MAP3K7CL: variants seen among roughly 807,000 people sequenced by gnomAD.
The protein encoded by MAP3K7CL is MAP3K7 C-terminal-like protein.
Under a neutral mutation model 18.6 loss-of-function variants are expected in MAP3K7CL, and 16 were observed. The observed-to-expected ratio is 0.86, with a 90% confidence interval of 0.58 to 1.31. MAP3K7CL has a LOEUF of 1.31. Among genes scored for constraint, MAP3K7CL ranks in the 50% most tolerant of loss-of-function variants. The pLI is 0.00. For synonymous variants in MAP3K7CL, 65 were observed against 66.8 expected, an observed-to-expected ratio of 0.97 and a Z score of 0.13; for missense variants, 163 against 174.4, an observed-to-expected ratio of 0.93 and a Z score of 0.37.
chr21:29,160,767 GATCTCCTTTTGATTAC>G (rs1179959256), intron 4 of MAP3K7CL, among the ~76,000 whole-genome samples: 1 of 152,162 alleles, frequency 6.6e-6, no homozygotes, highest in African/African-American at 2.4e-5. Flanking sequence ...CTTTTGATTA[GATCTCCTTTTGATTAC>G]ATCTCCTACT....
chr21:29,124,799 T>C (rs1487279880), intron 4 of MAP3K7CL, among the ~76,000 whole-genome samples: 1 of 152,254 alleles, frequency 6.6e-6, no homozygotes, highest in African/African-American at 2.4e-5. Flanking sequence ...GCTATACACA[T>C]TTACTTACTG....
At chr21:29,155,227 T>A (rs2087372161) in intron 3 of MAP3K7CL, among the ~76,000 whole-genome samples, 1 of 152,134 alleles carries the variant, frequency 6.6e-6, no homozygotes, top group South Asian at 2.1e-4. Flanking sequence ...TAATGTAAAT[T>A]TAAATCAGAC....
chr21:29,130,819 G>A lies in MAP3K7CL; in HGVS notation c.-144G>A. ...GATTGTCAGTGGCTGCTATGCAGCAGGTGCAGCCTGGTCTCTCACTGAGTC... is the reference window on the plus strand; with the variant it reads ...GATTGTCAGTGGCTGCTATGCAGCAAGTGCAGCCTGGTCTCTCACTGAGTC... On this transcript the variant is annotated 5_prime_UTR_variant, in exon 1 of 5. Coordinates refer to ENST00000399928, the MANE Select transcript of MAP3K7CL (RefSeq NM_001286620.2). 1.0e-6 allele frequency: 1 copy of A among 985,560 alleles called. No individual in the cohort carries two copies. The highest frequency in any genetic ancestry group is 1.2e-6 in the Non-Finnish European group (1 of 830,034). 61.1% of individuals were successfully genotyped at this position (985,560 alleles called of 1,614,324 possible).
At chr21:29,124,374 AAAAG>A (rs1464412209) in intron 4 of MAP3K7CL, among the ~76,000 whole-genome samples, 2 of 151,908 alleles carry the variant, frequency 1.3e-5, no homozygotes, top group East Asian at 1.9e-4. Context: ...AAAAAAAAAA[AAAAG>A]AACACATGTG....
rs951017306 is a variant in MAP3K7CL at position 29,143,190 on chromosome 21, C to T, written c.71-5999C>T. ...AAAAATTTTTAAGAAATTCAAGACA[C>T]TATAGCATTAAATTAAGCGTGGGGC... On this transcript the variant is annotated intron_variant, in intron 2 of 4. Transcript: ENST00000399928. Among the ~76,000 whole-genome samples, 5 of 125,618 alleles carry T rather than the reference C, an allele frequency of 4.0e-5. No homozygotes were observed. In the East Asian group the frequency reaches 8.7e-4, roughly 22 times the overall value. 82.4% of individuals were successfully genotyped at this position (125,618 alleles called of 152,430 possible).
chr21:29,087,758 T>C (rs1188534523), intron 1 of MAP3K7CL, among the ~76,000 whole-genome samples: 1 of 151,904 alleles, frequency 6.6e-6, no homozygotes, highest in African/African-American at 2.4e-5. Context: ...CACGACCGGC[T>C]AATTTTTTGT....
chr21:29,131,450 G>A (rs1459941062), intron 1 of MAP3K7CL: 1 of 152,188 alleles, frequency 6.6e-6, no homozygotes, highest in Admixed American at 6.5e-5. Context: ...GACAATCCAT[G>A]CCATTCCCTA....
chr21:29,120,529 A>G (rs535616709), intron 4 of MAP3K7CL, among the ~76,000 whole-genome samples: 1 of 152,314 alleles, frequency 6.6e-6, no homozygotes, highest in African/African-American at 2.4e-5. Context: ...AAAAGGGCCT[A>G]GCTGAGTGTC....
intron 2 of MAP3K7CL, among the ~76,000 whole-genome samples, chr21:29,136,649 T>C (rs1052001929): frequency 6.6e-6 from 1 of 152,012 alleles, no homozygotes; most frequent in African/African-American, 2.4e-5. Flanking sequence ...GCCTCCTGAG[T>C]AGCTGGGACT....
exon 3 of MAP3K7CL, chr21:29,091,696 T>C (rs770976426): frequency 1.4e-6 from 1 of 702,456 alleles, no homozygotes; most frequent in South Asian, 1.5e-5. Context: ...TTGCCCAGGT[T>C]GGTCTTGAAC....
chr21:29,139,065 C>T (rs940373456), intron 2 of MAP3K7CL, among the ~76,000 whole-genome samples: 1 of 152,204 alleles, frequency 6.6e-6, no homozygotes, highest in Non-Finnish European at 1.5e-5. Context: ...CTCCGGAACC[C>T]ATACCATTGG....
chr21:29,109,450 C>T, intron 4 of MAP3K7CL: 1 of 1,195,088 alleles, frequency 8.4e-7, no homozygotes, highest in South Asian at 3.1e-5. Flanking sequence ...AGACTTCTGG[C>T]AAAACCCCCA....
At chr21:29,157,249 A>G (rs181864908) in intron 3 of MAP3K7CL, among the ~76,000 whole-genome samples, 23 of 152,302 alleles carry the variant, frequency 1.5e-4, no homozygotes, top group Admixed American at 1.4e-3. Context: ...TGCAAAATAG[A>G]AAGTCTGTAC....
chr21:29,079,199 T>G (rs936733103), intron 1 of MAP3K7CL, among the ~76,000 whole-genome samples: 2 of 151,976 alleles, frequency 1.3e-5, no homozygotes, highest in Admixed American at 1.3e-4. Context: ...GATCAGGAGG[T>G]GAAAGGAAGA....
intron 4 of MAP3K7CL, among the ~76,000 whole-genome samples, chr21:29,166,925 A>T (rs2087703239): frequency 6.6e-6 from 1 of 152,234 alleles, no homozygotes; most frequent in Non-Finnish European, 1.5e-5. Flanking sequence ...GGTTCCTAGC[A>T]GTAGAATTGT....
At chr21:29,155,646 G>C (rs914045192) in intron 3 of MAP3K7CL, among the ~76,000 whole-genome samples, 1 of 152,162 alleles carries the variant, frequency 6.6e-6, no homozygotes, top group Non-Finnish European at 1.5e-5. Flanking sequence ...TGTTAAATCG[G>C]TCCTGATAAT....
At chr21:29,096,076 T>C (rs1284285628) in intron 4 of MAP3K7CL, among the ~76,000 whole-genome samples, 1 of 152,172 alleles carries the variant, frequency 6.6e-6, no homozygotes, top group Non-Finnish European at 1.5e-5. Context: ...GGATTAGGAG[T>C]TGAAAGTCAC....
chr21:29,159,825 T>TA (rs60797531), intron 3 of MAP3K7CL, 116 bp from the exon 4 acceptor site: 6,191 of 607,702 alleles, frequency 0.01, no homozygotes, highest in Non-Finnish European at 0.012. Flanking sequence ...GTTCTCACGT[T>TA]AAAAAAAAAA....
At chr21:29,087,265 A>G (rs1003384334) in intron 1 of MAP3K7CL, among the ~76,000 whole-genome samples, 2 of 152,214 alleles carry the variant, frequency 1.3e-5, no homozygotes, top group African/African-American at 2.4e-5. Flanking sequence ...CTTCCTCAAT[A>G]TTCCTTTTAC....
Sources: gnomAD v4.1 joint callset for allele counts (sites outside exome capture counted in the v4.1 genomes callset) on GRCh38, gnomAD v4.1.1 for gene constraint, MANE v1.5 for transcripts, NCBI Gene and HGNC (gene_info 2026-07-23, HGNC 2026-07-21) for gene names.